The following CYYR1 variants were observed in gnomAD, a reference collection of about 807,000 sequenced individuals.
The protein encoded by CYYR1 is cysteine and tyrosine-rich protein 1.
CYYR1 carries 14 observed loss-of-function variants against 15.2 expected under a neutral mutation model. The ratio of observed to expected loss-of-function variants is 0.92; its 90% CI spans 0.61 to 1.44. CYYR1 has a LOEUF of 1.44. Ranked by LOEUF, CYYR1 falls within the 40% of genes most tolerant of loss-of-function variation. The pLI is 0.00. For synonymous variants in CYYR1, 80 were observed against 77.4 expected (o/e 1.03, Z -0.18); for missense variants, 228 against 209.5 (o/e 1.09, Z -0.54).
intron 2 of CYYR1, among the ~76,000 whole-genome samples, chr21:26,487,959 GTTTT>G (rs3085024): frequency 0.83 from 122,317 of 148,102 alleles, 51,245 homozygotes; most frequent in Non-Finnish European, 0.87. Flanking sequence ...TGCTAATAAT[GTTTT>G]TTTATTTTGC....
At chr21:26,565,633 A>G (rs561882933) in intron 2 of CYYR1, among the ~76,000 whole-genome samples, 1 of 152,248 alleles carries the variant, frequency 6.6e-6, no homozygotes, top group Admixed American at 6.5e-5. Context: ...TCTAAAATAA[A>G]TTTCTAATTT....
At chr21:26,510,396 A>G (rs921586222) in intron 2 of CYYR1, among the ~76,000 whole-genome samples, 6 of 152,190 alleles carry the variant, frequency 3.9e-5, no homozygotes, top group African/African-American at 1.4e-4. Flanking sequence ...CTGTTTATGT[A>G]TCAGCACTGG....
chr21:26,504,638 T>G (rs1342254559), intron 2 of CYYR1, among the ~76,000 whole-genome samples: 2 of 152,170 alleles, frequency 1.3e-5, no homozygotes, highest in African/African-American at 4.8e-5. Context: ...CCTCAAGCAT[T>G]TATCCTTTCA....
chr21:26,472,049 A>G (rs1431881519), intron 3 of CYYR1, among the ~76,000 whole-genome samples: 1 of 152,228 alleles, frequency 6.6e-6, no homozygotes, highest in Non-Finnish European at 1.5e-5. Flanking sequence ...ATTTGGAAAC[A>G]GAAGAAAATC....
At position 26,571,067 on chromosome 21, in the gene CYYR1, A is replaced by AT. The variant is rs553816207; in HGVS notation, c.73+1800dup. Among the ~76,000 whole-genome samples the AT allele has an allele frequency of 8.9e-4, 135 of 152,294 alleles. 5 individuals are homozygous for AT. The highest frequency in any genetic ancestry group is 7.8e-3 in the Admixed American group (120 of 15,300). On this transcript the variant is annotated intron_variant, in intron 1 of 3. Coordinates refer to ENST00000652641, the MANE Select transcript of CYYR1 (RefSeq NM_001320768.2). ...CTTCTTTGAACATCTATAGCACGTG[A>AT]TTTTACCTCTCCTATGACACAACCT...
At chr21:26,488,394 A>G (rs1368483256) in intron 2 of CYYR1, among the ~76,000 whole-genome samples, 1 of 151,872 alleles carries the variant, frequency 6.6e-6, no homozygotes, top group African/African-American at 2.4e-5. Context: ...AGCTGGCACT[A>G]TGGGCACACG....
intron 2 of CYYR1, among the ~76,000 whole-genome samples, chr21:26,557,779 G>C (rs1421576392): frequency 2.0e-5 from 3 of 151,994 alleles, no homozygotes; most frequent in South Asian, 2.1e-4. Flanking sequence ...CTTCAGAATG[G>C]AACATTCCAC....
intron 2 of CYYR1, among the ~76,000 whole-genome samples, chr21:26,512,790 A>C (rs967818951): frequency 6.6e-6 from 1 of 152,158 alleles, no homozygotes. Flanking sequence ...CAAAGCCTAA[A>C]ATATTTACTA....
At chr21:26,495,283 T>C (rs182183115) in intron 2 of CYYR1, among the ~76,000 whole-genome samples, 1 of 152,186 alleles carries the variant, frequency 6.6e-6, no homozygotes, top group Non-Finnish European at 1.5e-5. Flanking sequence ...TAGTAATCTT[T>C]GGGTCCACAG....
At chr21:26,566,936 G>A (rs1980668133) in intron 1 of CYYR1, among the ~76,000 whole-genome samples, 1 of 150,442 alleles carries the variant, frequency 6.6e-6, no homozygotes, top group Non-Finnish European at 1.5e-5. Context: ...TTGAACCCAG[G>A]AGATGGAGGT....
At chr21:26,542,398 A>G (rs1196804892) in intron 2 of CYYR1, among the ~76,000 whole-genome samples, 1 of 152,036 alleles carries the variant, frequency 6.6e-6, no homozygotes, top group Non-Finnish European at 1.5e-5. Context: ...TTCACCTTAC[A>G]AGAGACCTAA....
chr21:26,525,693 C>CT (rs1284579640), intron 2 of CYYR1, among the ~76,000 whole-genome samples: 3 of 152,172 alleles, frequency 2.0e-5, no homozygotes, highest in Non-Finnish European at 4.4e-5. Context: ...AAAGGATCCA[C>CT]TTATTAAATA....
rs2123471683 is a variant in CYYR1 at position 26,499,716 on chromosome 21, A to G, written c.177-19287T>C. ...GTGAAAGGCTGCTGGGTCTGATTGC[A>G]CATGAAATGCCAGAAGATCAGTGAG... On this transcript the variant is annotated intron_variant, in intron 2 of 3. Transcript: ENST00000652641. 2.0e-5 allele frequency among the ~76,000 whole-genome samples: 3 copies of G among 152,336 alleles called. No individual in the cohort carries two copies. The East Asian group carries it at 5.8e-4, about 29-fold the overall frequency.
intron 2 of CYYR1, among the ~76,000 whole-genome samples, chr21:26,485,114 C>A (rs1191802914): frequency 1.3e-5 from 2 of 152,010 alleles, no homozygotes; most frequent in African/African-American, 2.4e-5. Context: ...ATCATTAAAA[C>A]CTTGAAAAAA....
intron 3 of CYYR1, among the ~76,000 whole-genome samples, chr21:26,478,720 A>G (rs2065134700): frequency 6.6e-6 from 1 of 152,142 alleles, no homozygotes; most frequent in Non-Finnish European, 1.5e-5. Context: ...CTGGGAGACC[A>G]GCCAGGATGT....
intron 2 of CYYR1, chr21:26,551,798 A>C (rs1384352345): frequency 3.7e-6 from 1 of 269,902 alleles, no homozygotes; most frequent in East Asian, 1.3e-4. Flanking sequence ...AGGATTTAGA[A>C]TATTACATAA....
At chr21:26,504,506 A>G (rs1003005657) in intron 2 of CYYR1, among the ~76,000 whole-genome samples, 11 of 152,142 alleles carry the variant, frequency 7.2e-5, no homozygotes, top group African/African-American at 2.7e-4. Context: ...TTATTTTAAA[A>G]AATTATTTAA....
chr21:26,499,036 T>C (rs901196387), intron 2 of CYYR1, among the ~76,000 whole-genome samples: 1 of 152,126 alleles, frequency 6.6e-6, no homozygotes, highest in African/African-American at 2.4e-5. Context: ...ATTCGTAGAA[T>C]GAAAAATAGA....
chr21:26,503,970 T>C (rs900303306), intron 2 of CYYR1, among the ~76,000 whole-genome samples: 1 of 152,154 alleles, frequency 6.6e-6, no homozygotes, highest in Non-Finnish European at 1.5e-5. Context: ...CTATTATGTA[T>C]TATCGTTCTC....
Sources: gnomAD v4.1 joint callset for allele counts (sites outside exome capture counted in the v4.1 genomes callset) on GRCh38, gnomAD v4.1.1 for gene constraint, MANE v1.5 for transcripts, NCBI Gene and HGNC (gene_info 2026-07-23, HGNC 2026-07-21) for gene names.